Variants in TNKS observed in about 807,000 individuals in gnomAD.
TNKS encodes poly [ADP-ribose] polymerase tankyrase-1.
In TNKS, 72 loss-of-function variants were observed where a neutral mutation model predicts 135.8. That is an observed-to-expected ratio of 0.53 (90% CI 0.44 to 0.64). The LOEUF (loss-of-function observed/expected upper bound fraction) is 0.64. Ranked by LOEUF, TNKS falls within the 30% of genes least tolerant of loss-of-function variation. The pLI is 0.00. For missense variants in TNKS, 1,769 were observed against 1,674.0 expected (o/e 1.06, Z -0.99); for synonymous variants, 849 against 649.3 (o/e 1.31, Z -4.68).
intron 1 of TNKS, among the ~76,000 whole-genome samples, chr8:9,559,480 G>A (rs900128135): frequency 4.6e-5 from 7 of 152,060 alleles, no homozygotes; most frequent in African/African-American, 1.7e-4. Context: ...GATTACATGT[G>A]CAGGTTTGTT....
At chr8:9,608,904 G>A (rs1379272858) in intron 2 of TNKS, among the ~76,000 whole-genome samples, 1 of 152,174 alleles carries the variant, frequency 6.6e-6, no homozygotes, top group Non-Finnish European at 1.5e-5. Flanking sequence ...GCAGTTAGTT[G>A]CTTCATCTAT....
chr8:9,722,595 A>G (rs1439968871), intron 12 of TNKS: 7 of 149,454 alleles, frequency 4.7e-5, no homozygotes, highest in Admixed American at 3.3e-4. Context: ...TCCTGTTTTT[A>G]TGGAGTGATA....
intron 5 of TNKS, among the ~76,000 whole-genome samples, chr8:9,686,399 A>T (rs1802998322): frequency 2.0e-5 from 3 of 152,196 alleles, no homozygotes. Flanking sequence ...CAGCCATCCT[A>T]GCACCGTAGC....
chr8:9,577,113 CA>C (rs1238453780), intron 1 of TNKS, among the ~76,000 whole-genome samples: 2 of 141,158 alleles, frequency 1.4e-5, no homozygotes, highest in African/African-American at 5.5e-5. Context: ...AATAACAATT[CA>C]TTTTTTTTTT....
intron 26 of TNKS, among the ~76,000 whole-genome samples, chr8:9,771,243 G>A (rs11249945): frequency 0.4 from 54,145 of 134,900 alleles, 11,360 homozygotes; most frequent in East Asian, 0.49. Flanking sequence ...GCGAGGAAAG[G>A]AGGGAGGGAG....
rs747364744 is a variant in TNKS at position 9,556,254 on chromosome 8, C to G, written c.315C>G (p.Val105=). 3 of 1,614,248 alleles carry G rather than the reference C, an allele frequency of 1.9e-6. No individual in the cohort carries two copies. Among genetic ancestry groups the G allele is most frequent in the Non-Finnish European group, 2.5e-6 (3 of 1,180,046 alleles). The change falls in exon 1 of 27, where the codon GTC becomes GTG. Residue 105 remains valine (V), a synonymous_variant. Coordinates refer to ENST00000310430, the MANE Select transcript of TNKS (RefSeq NM_003747.3). ...GTACCGTCGCCGCCGCTCCCGTGGT[C>G]CCAGCGGTTTCTACTTCATCTGCCG... The part of the protein sequence containing the change: ...TICTVAAAPV[V]PAVSTSSAAG...
At chr8:9,726,338 T>A (rs1805162058) in intron 12 of TNKS, among the ~76,000 whole-genome samples, 1 of 152,128 alleles carries the variant, frequency 6.6e-6, no homozygotes, top group Non-Finnish European at 1.5e-5. Context: ...TACAGTGAAC[T>A]GTGATCACGC....
Position 9,774,159 on chromosome 8 carries a change from G to A in TNKS, c.3898-2491G>A, listed in dbSNP as rs1472185794. Among the ~76,000 whole-genome samples the A allele has an allele frequency of 2.0e-5, 3 of 152,176 alleles. No individual in the cohort carries two copies. The East Asian group carries it at 5.8e-4, about 29-fold the overall frequency. ...TAAGATGTCAGTGGTATTTGTTTATGTTGTACTTTAAACTTCACATTAGAC... is the reference window on the plus strand; with the variant it reads ...TAAGATGTCAGTGGTATTTGTTTATATTGTACTTTAAACTTCACATTAGAC... On this transcript the variant is annotated intron_variant, in intron 26 of 26. Coordinates refer to ENST00000310430, the MANE Select transcript of TNKS (RefSeq NM_003747.3).
intron 24 of TNKS, 94 bp from the exon 25 acceptor site, chr8:9,766,145 C>T (rs1387124489): frequency 8.4e-6 from 9 of 1,067,122 alleles, no homozygotes; most frequent in Non-Finnish European, 1.2e-5. Context: ...CCATTCATTT[C>T]TTAATATTAA....
At chr8:9,746,936 G>A (rs931548022) in intron 17 of TNKS, among the ~76,000 whole-genome samples, 8 of 142,414 alleles carry the variant, frequency 5.6e-5, no homozygotes, top group Non-Finnish European at 1.2e-4. Context: ...AGGCTGCGGT[G>A]CGGTGGTGCA....
At chr8:9,682,514 A>G (rs1247275587) in intron 5 of TNKS, among the ~76,000 whole-genome samples, 1 of 152,062 alleles carries the variant, frequency 6.6e-6, no homozygotes, top group East Asian at 1.9e-4. Flanking sequence ...ACTAGAACCA[A>G]TGTATTCCTC....
intron 3 of TNKS, among the ~76,000 whole-genome samples, chr8:9,674,831 A>C (rs1055387706): frequency 3.9e-5 from 6 of 152,210 alleles, no homozygotes; most frequent in African/African-American, 1.4e-4. Flanking sequence ...TAAGGACAAC[A>C]AACAACTGTG....
intron 17 of TNKS, among the ~76,000 whole-genome samples, chr8:9,746,106 A>G (rs1806221417): frequency 6.6e-6 from 1 of 152,098 alleles, no homozygotes; most frequent in Non-Finnish European, 1.5e-5. Flanking sequence ...TCAATAGATG[A>G]TGTGCTTTTG....
At chr8:9,706,147 T>C in intron 6 of TNKS, 40 bp from the exon 7 acceptor site, 1 of 1,471,582 alleles carries the variant, frequency 6.8e-7, no homozygotes, top group Non-Finnish European at 9.2e-7. Flanking sequence ...AAATAAGTTG[T>C]TTGAAATTTA....
intron 2 of TNKS, among the ~76,000 whole-genome samples, chr8:9,592,425 T>C (rs1798621519): frequency 6.6e-6 from 1 of 152,206 alleles, no homozygotes. Flanking sequence ...TACAAACAGA[T>C]TAAAGACTCA....
rs1043994511 is a variant in TNKS, at chr8:9,649,624, C to G, written c.995-30327C>G. ...GTGTAGTCTTTTATCCCTCATCCCCCTCTCACCCTTCCCCCCAAGTCCCCA... is the reference window on the plus strand; with the variant it reads ...GTGTAGTCTTTTATCCCTCATCCCCGTCTCACCCTTCCCCCCAAGTCCCCA... On this transcript the variant is annotated intron_variant, in intron 3 of 26. Transcript: ENST00000310430. 1.3e-5 allele frequency among the ~76,000 whole-genome samples: 2 copies of G among 151,596 alleles called. 1 individual carries two copies. Among genetic ancestry groups the G allele is most frequent in the East Asian group, 3.9e-4 (2 of 5,138 alleles).
At position 9,770,177 on chromosome 8, in the gene TNKS, C is replaced by T. The variant is rs1169261183; in HGVS notation, c.3812C>T (p.Ala1271Val). 9.9e-6 allele frequency: 16 copies of T among 1,613,328 alleles called. No individual in the cohort carries two copies. Among genetic ancestry groups the T allele is most frequent in the Non-Finnish European group, 1.3e-5 (15 of 1,179,964 alleles). Residue 1271 changes from alanine (A) to valine (V), a missense_variant, in exon 26 of 27, where the codon GCG (alanine) becomes GTG (valine). Ala to Val is a moderately conservative substitution (Grantham distance 64). Coordinates refer to ENST00000310430, the MANE Select transcript of TNKS (RefSeq NM_003747.3). Reference protein sequence around the residue: ...LQFSTMKMAHAPPGHHSVIGR... With the variant: ...LQFSTMKMAHVPPGHHSVIGR... Reference sequence around the variant, plus strand: ...TTTAGCACCATGAAAATGGCCCACGCGCCTCCAGGGCACCACTCAGTCATT... The same window carrying T: ...TTTAGCACCATGAAAATGGCCCACGTGCCTCCAGGGCACCACTCAGTCATT...
chr8:9,702,214 T>C (rs1803834814), intron 5 of TNKS, among the ~76,000 whole-genome samples: 1 of 152,136 alleles, frequency 6.6e-6, no homozygotes, highest in Non-Finnish European at 1.5e-5. Flanking sequence ...AAATATTTGA[T>C]GAAATCATAG....
chr8:9,638,947 AATTAAAAAGCGATGGAAGTGAGG>A (rs1800623060), intron 3 of TNKS, among the ~76,000 whole-genome samples: 1 of 152,162 alleles, frequency 6.6e-6, no homozygotes, highest in Non-Finnish European at 1.5e-5. Flanking sequence ...TCTATACCTT[AATTAAAAAGCGATGGAAGTGAGG>A]ATGGGGGTGT....
Sources: gnomAD v4.1 joint callset for allele counts (sites outside exome capture counted in the v4.1 genomes callset) on GRCh38, gnomAD v4.1.1 for gene constraint, MANE v1.5 for transcripts, NCBI Gene and HGNC (gene_info 2026-07-23, HGNC 2026-07-21) for gene names.